The following ZNF43 variants were observed in gnomAD, a reference collection of about 807,000 sequenced individuals.
ZNF43 encodes zinc finger protein 39-like 1 (KOX 27).
Under a neutral mutation model 68.4 loss-of-function variants are expected in ZNF43, and 44 were observed. The observed-to-expected ratio is 0.64, with a 90% confidence interval of 0.51 to 0.83. The LOEUF (loss-of-function observed/expected upper bound fraction) is 0.83. Among genes scored for constraint, ZNF43 ranks in the 40% least tolerant of loss-of-function variants. The pLI, the probability that ZNF43 is intolerant of heterozygous loss-of-function variation, is 0.00. For synonymous variants in ZNF43, 308 were observed against 307.8 expected, an observed-to-expected ratio of 1.00 and a Z score of -0.01; for missense variants, 896 against 933.2, an observed-to-expected ratio of 0.96 and a Z score of 0.52.
chr19:21,819,106 A>C lies in ZNF43; in HGVS notation c.119T>G (p.Leu40Arg). Residue 40 changes from leucine (L) to arginine (R), a missense_variant, in exon 2 of 4, where the codon CTG becomes CGG. Physicochemically the swap from Leu to Arg is moderately radical, Grantham distance 102. Coordinates refer to ENST00000354959, the MANE Select transcript of ZNF43 (RefSeq NM_003423.4). ...GAAGTTATGCTCACCCAGGAAGACCAGGTTTCTGTAGTTCTCTAACATCAC... is the reference window on the plus strand; with the variant it reads ...GAAGTTATGCTCACCCAGGAAGACCCGGTTTCTGTAGTTCTCTAACATCAC... ...RNVMLENYRNLVFLGIAVSKP... is the reference protein window; with the variant it reads ...RNVMLENYRNRVFLGIAVSKP... 1 of 1,610,246 alleles carries C rather than the reference A, an allele frequency of 6.2e-7. No individual in the cohort carries two copies. The highest frequency in any genetic ancestry group is 8.5e-7 in the Non-Finnish European group (1 of 1,178,496).
At chr19:21,809,906 T>C in intron 3 of ZNF43, 99 bp from the exon 4 acceptor site, 1 of 1,199,970 alleles carries the variant, frequency 8.3e-7, no homozygotes, top group South Asian at 1.9e-5. Context: ...ATAAGCAAGA[T>C]GTCATAGAAA....
chr19:21,848,358 C>T (rs1968107222), intron 1 of ZNF43, among the ~76,000 whole-genome samples: 1 of 151,864 alleles, frequency 6.6e-6, no homozygotes, highest in African/African-American at 2.4e-5. Context: ...GTTGGCCAGG[C>T]TGGTCTTGAA....
intron 1 of ZNF43, among the ~76,000 whole-genome samples, chr19:21,828,308 G>A (rs2038232564): frequency 6.6e-6 from 1 of 152,186 alleles, no homozygotes; most frequent in Non-Finnish European, 1.5e-5. Context: ...GGCTAGGCAT[G>A]GTGATTCATG....
intron 1 of ZNF43, among the ~76,000 whole-genome samples, chr19:21,820,801 C>G (rs922298394): frequency 6.7e-6 from 1 of 149,426 alleles, no homozygotes; most frequent in East Asian, 1.9e-4. Context: ...ATGCAAAGTT[C>G]AAGATACAGA....
chr19:21,822,340 T>C (rs1275780491), intron 1 of ZNF43, among the ~76,000 whole-genome samples: 1 of 104,286 alleles, frequency 9.6e-6, no homozygotes, highest in Admixed American at 1.0e-4. Context: ...TTATACTTGA[T>C]TCTAGCCTCA....
chr19:21,845,300 G>A (rs1320556290), intron 1 of ZNF43: 1 of 152,166 alleles, frequency 6.6e-6, no homozygotes, highest in Non-Finnish European at 1.5e-5. Flanking sequence ...ATAATTGATG[G>A]ATGTCAAAAT....
chr19:21,818,050 T>C (rs770972617), intron 2 of ZNF43, 64 bp from the exon 3 acceptor site: 49 of 1,498,518 alleles, frequency 3.3e-5, no homozygotes, highest in Non-Finnish European at 4.2e-5. Flanking sequence ...AACCTAGTAA[T>C]GTGTCCAGTA....
At chr19:21,836,245 T>C (rs1192240121), upstream of ZNF43, 4 of 1,392,440 alleles carry the variant, frequency 2.9e-6, no homozygotes, top group Admixed American at 3.0e-5. Context: ...GATTGGACGG[T>C]TTCCAGCCCA....
intron 3 of ZNF43, chr19:21,812,118 C>G (rs533241727): frequency 1.3e-4 from 53 of 395,950 alleles, no homozygotes; most frequent in Admixed American, 1.8e-4. Flanking sequence ...TCATAATATA[C>G]AAACAACTTT....
At chr19:21,834,839 T>C (rs994738831) in intron 1 of ZNF43, among the ~76,000 whole-genome samples, 1 of 150,928 alleles carries the variant, frequency 6.6e-6, no homozygotes, top group Non-Finnish European at 1.5e-5. Context: ...TTTAAGTCCA[T>C]CCAATGATTT....
chr19:21,810,802 T>C (rs950850304), intron 3 of ZNF43, among the ~76,000 whole-genome samples: 6 of 151,928 alleles, frequency 3.9e-5, no homozygotes, highest in Admixed American at 3.9e-4. Context: ...AATAAAAAAT[T>C]AGCCAGGGAT....
chr19:21,839,331 CAAAAA>C (rs61335194), upstream of ZNF43, among the ~76,000 whole-genome samples: 164 of 28,278 alleles, frequency 5.8e-3, 1 homozygote, highest in African/African-American at 0.018. Flanking sequence ...AGAGATCAGG[CAAAAA>C]AAAAAAAAAA....
At position 21,817,946 on chromosome 19, in the gene ZNF43, C is replaced by T. The variant is rs2037609810; in HGVS notation, c.171G>A (p.Glu57=). ...TAGGCTCCCAAGGCTCTTTTTCTTG[C>T]TCCAGACAGGTGATCAGGTCTGGCT... ...VSKPDLITCL[E]QEKEPWEPMR... Residue 57 remains glutamate, a synonymous_variant, in exon 3 of 4, where the codon GAG becomes GAA. Transcript: ENST00000354959. 1 of 1,613,360 alleles carries T rather than the reference C, an allele frequency of 6.2e-7. No individual in the cohort carries two copies. Among genetic ancestry groups the T allele is most frequent in the Admixed American group, 1.7e-5 (1 of 59,968 alleles).
chr19:21,829,728 T>C (rs2038329790), intron 1 of ZNF43, among the ~76,000 whole-genome samples: 1 of 152,232 alleles, frequency 6.6e-6, no homozygotes, highest in Non-Finnish European at 1.5e-5. Flanking sequence ...ATAAAGCCTC[T>C]GATTTATATT....
intron 1 of ZNF43, among the ~76,000 whole-genome samples, chr19:21,845,202 G>A (rs915457888): frequency 2.6e-5 from 4 of 151,946 alleles, no homozygotes; most frequent in Admixed American, 2.6e-4. Context: ...CCTGAGAGGT[G>A]AGACACATTA....
intron 1 of ZNF43, chr19:21,845,591 A>G (rs2145415881): frequency 6.6e-6 from 1 of 152,292 alleles, no homozygotes; most frequent in African/African-American, 2.4e-5. Context: ...ACCCAGGTAC[A>G]TGTCACAATA....
At chr19:21,836,341 A>G, upstream of ZNF43, 1 of 1,045,466 alleles carries the variant, frequency 9.6e-7, no homozygotes, top group Non-Finnish European at 1.2e-6. Flanking sequence ...GAAAGAAGAA[A>G]GAATGACAGC....
chr19:21,814,442 G>A (rs911373929), intron 3 of ZNF43, among the ~76,000 whole-genome samples: 1 of 145,120 alleles, frequency 6.9e-6, no homozygotes, highest in Non-Finnish European at 1.5e-5. Flanking sequence ...ATGGAGTCTT[G>A]CTCTGTCGCC....
At chr19:21,812,336 G>T (rs2457772) in intron 3 of ZNF43, among the ~76,000 whole-genome samples, 1 of 151,778 alleles carries the variant, frequency 6.6e-6, no homozygotes, top group African/African-American at 2.4e-5. Context: ...CCATGGTCTC[G>T]ATCTCCTGAC....
Sources: gnomAD v4.1 joint callset for allele counts (sites outside exome capture counted in the v4.1 genomes callset) on GRCh38, gnomAD v4.1.1 for gene constraint, MANE v1.5 for transcripts, NCBI Gene and HGNC (gene_info 2026-07-23, HGNC 2026-07-21) for gene names.